RAPGEF2: variants seen among roughly 807,000 people sequenced by gnomAD.
RAPGEF2 encodes PDZ domain containing guanine nucleotide exchange factor (GEF) 1.
A neutral mutation model predicts 186.7 loss-of-function variants in RAPGEF2; 54 were observed. The ratio of observed to expected loss-of-function variants is 0.29; its 90% confidence interval spans 0.23 to 0.36. The LOEUF is 0.36. Ranked by LOEUF, RAPGEF2 falls within the 10% of genes least tolerant of loss-of-function variation. RAPGEF2 has a pLI of 1.00. For synonymous variants in RAPGEF2, 712 were observed against 705.9 expected, an observed-to-expected ratio of 1.01 and a Z score of -0.14; for missense variants, 1,532 against 2,045.0, an observed-to-expected ratio of 0.75 and a Z score of 4.84.
chr4:159,105,397 A>G (rs1560966183), intron 1 of RAPGEF2, among the ~76,000 whole-genome samples: 1 of 152,202 alleles, frequency 6.6e-6, no homozygotes, highest in Non-Finnish European at 1.5e-5. Flanking sequence ...GGAGAGCATA[A>G]TAAAATAGAC....
At chr4:159,334,350 G>A (rs1338027312) in intron 17 of RAPGEF2, among the ~76,000 whole-genome samples, 1 of 152,136 alleles carries the variant, frequency 6.6e-6, no homozygotes, top group East Asian at 1.9e-4. Flanking sequence ...CTGAGCTCAA[G>A]CAATTCTCAT....
intron 8 of RAPGEF2, among the ~76,000 whole-genome samples, chr4:159,310,611 C>T (rs1443240069): frequency 6.6e-6 from 1 of 151,658 alleles, no homozygotes; most frequent in African/African-American, 2.4e-5. Flanking sequence ...GAGCTTTCAG[C>T]ATTGATCTGA....
chr4:159,341,264 A>G (rs2111261589), intron 19 of RAPGEF2, among the ~76,000 whole-genome samples: 1 of 152,272 alleles, frequency 6.6e-6, no homozygotes, highest in Admixed American at 6.5e-5. Flanking sequence ...ATTTTCTGTT[A>G]TTTTTAACAA....
intron 7 of RAPGEF2, among the ~76,000 whole-genome samples, chr4:159,249,830 G>A (rs1302485965): frequency 1.3e-5 from 2 of 151,262 alleles, no homozygotes; most frequent in African/African-American, 4.9e-5. Context: ...TTCTTTTTTG[G>A]TTAAAGAAAC....
At chr4:159,139,279 G>T (rs564677153) in intron 1 of RAPGEF2, among the ~76,000 whole-genome samples, 7 of 152,254 alleles carry the variant, frequency 4.6e-5, no homozygotes, top group African/African-American at 1.7e-4. Context: ...AAGCAGTGTG[G>T]AAAAGGGTGA....
intron 7 of RAPGEF2, among the ~76,000 whole-genome samples, chr4:159,251,978 G>A (rs1755490639): frequency 6.6e-6 from 1 of 152,096 alleles, no homozygotes. Context: ...CCCTCCTGAA[G>A]TCAGAGACCA....
intron 7 of RAPGEF2, among the ~76,000 whole-genome samples, chr4:159,280,326 A>C (rs547531640): frequency 6.6e-6 from 1 of 152,224 alleles, no homozygotes; most frequent in Non-Finnish European, 1.5e-5. Context: ...TTGACTGTGA[A>C]ATAATAATTA....
chr4:159,243,610 G>C (rs1754268985), intron 6 of RAPGEF2, among the ~76,000 whole-genome samples, 164 bp from the exon 7 acceptor site: 1 of 152,016 alleles, frequency 6.6e-6, no homozygotes, highest in African/African-American at 2.4e-5. Flanking sequence ...TCAAGTGCAT[G>C]GCTAAATAAC....
chr4:159,146,081 G>T lies in RAPGEF2; in HGVS notation c.70-40561G>T, dbSNP rs556292978. ...ATAGAAGAAAGCTTGTCAGGTTTAT[G>T]AAACTATTCCTTCCATATTTCATGG... On this transcript the variant is annotated intron_variant, in intron 1 of 29. Coordinates refer to ENST00000691494, the MANE Select transcript of RAPGEF2 (RefSeq NM_001394067.2). Among the ~76,000 whole-genome samples, 3 of 152,082 alleles carry T rather than the reference G, an allele frequency of 2.0e-5. No individual in the cohort carries two copies. In the South Asian group the frequency reaches 6.2e-4, roughly 32 times the overall value.
chr4:159,286,030 A>C (rs10050119), intron 7 of RAPGEF2, among the ~76,000 whole-genome samples: 3 of 89,296 alleles, frequency 3.4e-5, no homozygotes, highest in South Asian at 5.3e-4. Flanking sequence ...TGTTCCCCCC[A>C]ACCACCACCA....
At chr4:159,325,018 T>G (rs1350911012) in intron 11 of RAPGEF2, among the ~76,000 whole-genome samples, 1 of 152,198 alleles carries the variant, frequency 6.6e-6, no homozygotes, top group Non-Finnish European at 1.5e-5. Context: ...ATAATTGAAT[T>G]TTTACAGTGT....
At chr4:159,252,035 C>G (rs964449149) in intron 7 of RAPGEF2, among the ~76,000 whole-genome samples, 1 of 152,138 alleles carries the variant, frequency 6.6e-6, no homozygotes. Context: ...TCTGAAGGAA[C>G]AAACTCTGGA....
chr4:159,180,006 G>C (rs888648434), intron 1 of RAPGEF2, among the ~76,000 whole-genome samples: 2 of 152,146 alleles, frequency 1.3e-5, no homozygotes, highest in African/African-American at 4.8e-5. Flanking sequence ...TATGGGGCTT[G>C]GGTAATGTGA....
chr4:159,197,803 C>T (rs1579437197), intron 3 of RAPGEF2, among the ~76,000 whole-genome samples: 1 of 152,186 alleles, frequency 6.6e-6, no homozygotes, highest in African/African-American at 2.4e-5. Flanking sequence ...CACACCTCCT[C>T]TAGGCAACTC....
At chr4:159,307,424 G>T (rs911405979) in intron 8 of RAPGEF2, among the ~76,000 whole-genome samples, 3 of 152,084 alleles carry the variant, frequency 2.0e-5, no homozygotes, top group African/African-American at 7.2e-5. Context: ...TATTCTGAAA[G>T]TTGATTTTTC....
At chr4:159,225,784 CA>C (rs1239745583) in intron 4 of RAPGEF2, among the ~76,000 whole-genome samples, 1 of 152,168 alleles carries the variant, frequency 6.6e-6, no homozygotes, top group South Asian at 2.1e-4. Flanking sequence ...TATATCTTGA[CA>C]AAGTGTCAGT....
chr4:159,108,386 T>TC lies in RAPGEF2; in HGVS notation c.69+4155_69+4156insC, dbSNP rs58216335. On this transcript the variant is annotated intron_variant, in intron 1 of 29. Coordinates refer to ENST00000691494, the MANE Select transcript of RAPGEF2 (RefSeq NM_001394067.2). ...TGCTGGAATTTCACAGAACTTTCTTTTTTTTTTTTTTTTTTTTTTTAAGGA... is the reference window on the plus strand; with the variant it reads ...TGCTGGAATTTCACAGAACTTTCTTTCTTTTTTTTTTTTTTTTTTTTAAGGA... 9.9e-3 allele frequency among the ~76,000 whole-genome samples: 1,428 copies of TC among 144,710 alleles called. 16 individuals carry two copies. Among genetic ancestry groups the TC allele is most frequent in the African/African-American group, 0.032 (1,254 of 39,606 alleles). 94.9% of individuals were successfully genotyped at this position (144,710 alleles called of 152,430 possible). A position where few individuals can be genotyped will look rare whatever the true frequency, so the allele number is the denominator to read the frequency against.
chr4:159,351,044 T>C (rs1390713372), intron 26 of RAPGEF2: 1 of 1,527,586 alleles, frequency 6.5e-7, no homozygotes, highest in African/African-American at 1.4e-5. Context: ...AATTCTTTTC[T>C]CATCCTGTTG....
Position 159,200,736 on chromosome 4 carries a change from A to AT in RAPGEF2, c.197+7488dup, listed in dbSNP as rs575137878. On this transcript the variant is annotated intron_variant, in intron 3 of 29. Transcript: ENST00000691494. Reference sequence around the variant, plus strand: ...AATTGCTATTGTTTGGAAAATAAGGATTTTTTTTGAAAATCTTAAAATGGT... The same window carrying AT: ...AATTGCTATTGTTTGGAAAATAAGGATTTTTTTTTGAAAATCTTAAAATGGT... 3.1e-3 allele frequency among the ~76,000 whole-genome samples: 475 copies of AT among 151,978 alleles called. 1 individual carries two copies. The highest frequency in any genetic ancestry group is 7.8e-3 in the African/African-American group (324 of 41,482).
Sources: allele counts gnomAD v4.1 joint callset (sites outside exome capture counted in the v4.1 genomes callset), GRCh38; gene constraint gnomAD v4.1.1; transcripts MANE v1.5; gene names NCBI Gene and HGNC (gene_info 2026-07-23, HGNC 2026-07-21).